CHRM3: variants seen among roughly 807,000 people sequenced by gnomAD.
The protein encoded by CHRM3 is muscarinic acetylcholine receptor M3.
A neutral mutation model predicts 41.8 loss-of-function variants in CHRM3; 11 were observed. The observed-to-expected ratio is 0.26, with a 90% confidence interval of 0.17 to 0.44. The LOEUF (loss-of-function observed/expected upper bound fraction) is 0.44, where lower values mean the gene tolerates loss of function less well. Ranked by LOEUF, CHRM3 falls within the 20% of genes least tolerant of loss-of-function variation. CHRM3 has a pLI of 1.00. For missense variants in CHRM3, 571 were observed against 745.4 expected, an observed-to-expected ratio of 0.77 and a Z score of 2.72; for synonymous variants, 297 against 301.4, an observed-to-expected ratio of 0.99 and a Z score of 0.15.
chr1:239,684,601 A>G (rs1301332929), intron 5 of CHRM3, among the ~76,000 whole-genome samples: 1 of 151,242 alleles, frequency 6.6e-6, no homozygotes, highest in Non-Finnish European at 1.5e-5. Context: ...CAGTGAGCTG[A>G]GATCATGCCA....
intron 1 of CHRM3, among the ~76,000 whole-genome samples, chr1:239,399,865 A>T (rs1243720134): frequency 6.6e-6 from 1 of 152,076 alleles, no homozygotes; most frequent in African/African-American, 2.4e-5. Flanking sequence ...TATACCCAGT[A>T]GCGGGATTGC....
At chr1:239,807,045 T>C (rs1670714023) in intron 5 of CHRM3, among the ~76,000 whole-genome samples, 1 of 152,216 alleles carries the variant, frequency 6.6e-6, no homozygotes, top group Non-Finnish European at 1.5e-5. Flanking sequence ...ATATAATTTC[T>C]TTATTTGGGG....
chr1:239,738,707 G>A (rs1664597317), intron 5 of CHRM3, among the ~76,000 whole-genome samples: 1 of 152,128 alleles, frequency 6.6e-6, no homozygotes, highest in South Asian at 2.1e-4. Context: ...CAGATCTTGT[G>A]CACTGGGAAC....
At chr1:239,888,339 C>T (rs976319141) in intron 6 of CHRM3, among the ~76,000 whole-genome samples, 2 of 150,724 alleles carry the variant, frequency 1.3e-5, no homozygotes, top group Non-Finnish European at 3.0e-5. Context: ...CTGCATTCCA[C>T]ACTCCAGCCT....
chr1:239,462,112 T>C (rs1436127377), intron 1 of CHRM3, among the ~76,000 whole-genome samples: 1 of 152,230 alleles, frequency 6.6e-6, no homozygotes, highest in Non-Finnish European at 1.5e-5. Context: ...ATAATTGTAA[T>C]TTTTTATCTT....
At chr1:239,496,399 C>T (rs956406580) in intron 2 of CHRM3, among the ~76,000 whole-genome samples, 1 of 152,004 alleles carries the variant, frequency 6.6e-6, no homozygotes, top group Non-Finnish European at 1.5e-5. Context: ...TATATAATAT[C>T]TATCTTGCAG....
chr1:239,765,070 G>T (rs1448670262), intron 5 of CHRM3, among the ~76,000 whole-genome samples: 1 of 152,212 alleles, frequency 6.6e-6, no homozygotes, highest in Non-Finnish European at 1.5e-5. Context: ...AATGAAAGGA[G>T]CCTCAGGGGT....
chr1:239,758,488 T>A (rs2148630440), intron 5 of CHRM3, among the ~76,000 whole-genome samples: 1 of 152,314 alleles, frequency 6.6e-6, no homozygotes, highest in Middle Eastern at 3.4e-3. Context: ...TGAAAATGGT[T>A]GGCAATTGCT....
At chr1:239,867,262 G>A (rs1031742145) in intron 6 of CHRM3, among the ~76,000 whole-genome samples, 2 of 152,214 alleles carry the variant, frequency 1.3e-5, no homozygotes, top group Non-Finnish European at 2.9e-5. Context: ...TGCTGAGGAC[G>A]GCGAAGCTTG....
Position 239,386,846 on chromosome 1 carries a change from G to A in CHRM3, c.-902G>A, listed in dbSNP as rs933416312. The stretch of plus-strand genomic sequence containing the variant: ...GGGCCGGAGCGTGCAGGGGAGCACA[G>A]GGCGCGGGGGCGGCACTGCCGAGCC... On this transcript the variant is annotated 5_prime_UTR_variant, in exon 1 of 7. Coordinates refer to ENST00000676153, the MANE Select transcript of CHRM3 (RefSeq NM_001375978.1). 1.3e-5 allele frequency: 2 copies of A among 152,110 alleles called. No homozygotes were observed. Among genetic ancestry groups the A allele is most frequent in the Non-Finnish European group, 2.9e-5 (2 of 68,030 alleles). The allele number at this position is 152,110 out of a possible 1,614,324, so 9.4% of individuals were successfully genotyped here.
chr1:239,831,277 A>G (rs1046020065), intron 6 of CHRM3, among the ~76,000 whole-genome samples: 2 of 152,170 alleles, frequency 1.3e-5, no homozygotes, highest in Middle Eastern at 3.2e-3. Context: ...AATTCCATCT[A>G]TAATCCTTTG....
At chr1:239,548,573 C>A (rs1659510608) in intron 3 of CHRM3, among the ~76,000 whole-genome samples, 1 of 152,164 alleles carries the variant, frequency 6.6e-6, no homozygotes, top group Admixed American at 6.5e-5. Flanking sequence ...ATAGATTTTT[C>A]CCCTGATGAG....
intron 3 of CHRM3, among the ~76,000 whole-genome samples, chr1:239,588,380 C>A (rs538472491): frequency 2.0e-5 from 3 of 152,144 alleles, no homozygotes; most frequent in Non-Finnish European, 4.4e-5. Flanking sequence ...AGCCCCAGGA[C>A]GTAGCACAGT....
chr1:239,649,792 A>T (rs1349558325), intron 4 of CHRM3, among the ~76,000 whole-genome samples: 1 of 152,192 alleles, frequency 6.6e-6, no homozygotes. Flanking sequence ...GGCAGAGTTC[A>T]TGGGCACAGA....
chr1:239,476,362 G>A (rs1572428832), intron 1 of CHRM3, among the ~76,000 whole-genome samples: 1 of 151,792 alleles, frequency 6.6e-6, no homozygotes, highest in Non-Finnish European at 1.5e-5. Flanking sequence ...GCTACTTGGG[G>A]GGCTGAGGCA....
intron 4 of CHRM3, among the ~76,000 whole-genome samples, chr1:239,634,147 G>T (rs1197517244): frequency 6.6e-6 from 1 of 152,130 alleles, no homozygotes; most frequent in Non-Finnish European, 1.5e-5. Flanking sequence ...CCTCGATGCT[G>T]GTCCTGACAG....
chr1:239,672,301 G>T (rs1674450641), intron 4 of CHRM3, among the ~76,000 whole-genome samples: 1 of 152,056 alleles, frequency 6.6e-6, no homozygotes. Context: ...CCTCAGAAAA[G>T]GCTTCCTTTT....
chr1:239,391,764 T>C, intron 1 of CHRM3, among the ~76,000 whole-genome samples: 1 of 152,120 alleles, frequency 6.6e-6, no homozygotes, highest in Non-Finnish European at 1.5e-5. Context: ...TATGAACACT[T>C]TGAGAAAAAC....
intron 5 of CHRM3, among the ~76,000 whole-genome samples, chr1:239,805,418 T>C (rs545690877): frequency 4.2e-4 from 64 of 152,332 alleles, no homozygotes; most frequent in African/African-American, 1.5e-3. Context: ...TATCAGCAAG[T>C]ACCTATTGAG....
Sources: allele counts gnomAD v4.1 joint callset (sites outside exome capture counted in the v4.1 genomes callset), GRCh38; gene constraint gnomAD v4.1.1; transcripts MANE v1.5; gene names NCBI Gene and HGNC (gene_info 2026-07-23, HGNC 2026-07-21).